The following PAM variants were observed in gnomAD, a reference collection of about 807,000 sequenced individuals.
The protein encoded by PAM is peptidyl-glycine alpha-amidating monooxygenase.
In PAM, 72 loss-of-function variants were observed where a neutral mutation model predicts 122.1. The observed-to-expected ratio is 0.59, with a 90% CI of 0.49 to 0.72. PAM has a LOEUF of 0.72. Among genes scored for constraint, PAM ranks in the 30% least tolerant of loss-of-function variants. PAM has a pLI of 0.00. For missense variants in PAM, 1,106 were observed against 1,183.7 expected (o/e 0.93, Z 0.96); for synonymous variants, 389 against 404.4 (o/e 0.96, Z 0.46).
intron 14 of PAM, among the ~76,000 whole-genome samples, chr5:102,969,668 G>A (rs1765239467): frequency 6.6e-6 from 1 of 152,188 alleles, no homozygotes; most frequent in African/African-American, 2.4e-5. Flanking sequence ...CACTAAGAGA[G>A]ACACTATTAA....
chr5:102,902,008 A>C (rs1207386296), intron 4 of PAM, among the ~76,000 whole-genome samples: 2 of 151,636 alleles, frequency 1.3e-5, no homozygotes, highest in Non-Finnish European at 3.0e-5. Flanking sequence ...AAAGTGACAA[A>C]GCACCATCTG....
At chr5:102,790,458 C>G (rs763163204) in intron 1 of PAM, among the ~76,000 whole-genome samples, 16 of 152,002 alleles carry the variant, frequency 1.1e-4, no homozygotes, top group Non-Finnish European at 1.8e-4. Flanking sequence ...TTTACAATGA[C>G]AGTAGCTTTC....
chr5:102,845,592 C>A (rs528891348), intron 1 of PAM, among the ~76,000 whole-genome samples: 2 of 152,206 alleles, frequency 1.3e-5, no homozygotes, highest in South Asian at 4.1e-4. Context: ...TTTGGGGATT[C>A]GATTTGTCCT....
At chr5:102,788,464 C>T (rs1421917431) in intron 1 of PAM, among the ~76,000 whole-genome samples, 5 of 152,108 alleles carry the variant, frequency 3.3e-5, no homozygotes, top group Non-Finnish European at 7.4e-5. Flanking sequence ...ACGTTTCTCT[C>T]CTCAGCTGGT....
intron 5 of PAM, among the ~76,000 whole-genome samples, chr5:102,918,508 GTTTAA>G (rs1175793329): frequency 1.3e-5 from 2 of 151,902 alleles, no homozygotes; most frequent in African/African-American, 2.4e-5. Context: ...AAATTACCCA[GTTTAA>G]TTTAAAGTAA....
In PAM at chr5:103,021,032, G is replaced by T. The variant is rs185370862; in HGVS notation, c.2485+1189G>T. ...GCCCTGGAATAAAGACGTTGGGAAA[G>T]ATCATGTTGTTAATAGTAGCTATCA... On this transcript the variant is annotated intron_variant, in intron 23 of 25. Coordinates refer to ENST00000438793, the MANE Select transcript of PAM (RefSeq NM_001177306.2). Among the ~76,000 whole-genome samples, 7 of 152,224 alleles carry T rather than the reference G, an allele frequency of 4.6e-5. No homozygotes were observed. In the East Asian group the frequency reaches 1.4e-3, roughly 29 times the overall value.
At chr5:103,011,722 C>T (rs959877968) in intron 21 of PAM, among the ~76,000 whole-genome samples, 4 of 152,144 alleles carry the variant, frequency 2.6e-5, no homozygotes, top group African/African-American at 7.2e-5. Context: ...CTGCAACAAA[C>T]GTGGGAGTTT....
intron 1 of PAM, among the ~76,000 whole-genome samples, chr5:102,806,048 C>CT (rs1338430939): frequency 6.6e-6 from 1 of 151,968 alleles, no homozygotes; most frequent in Non-Finnish European, 1.5e-5. Flanking sequence ...GAAATGGTAC[C>CT]TTTTTAAAAA....
In PAM at chr5:103,009,869, A is replaced by T; in HGVS notation, c.2331+3A>T. Reference sequence around the variant, plus strand: ...ACATCTTCAAGCCAGTGCGCAAGGTATTTACACACATTGTCTAGGTTTCAA... The same window carrying T: ...ACATCTTCAAGCCAGTGCGCAAGGTTTTTACACACATTGTCTAGGTTTCAA... On this transcript the variant is annotated splice_donor_region_variant and intron_variant, in intron 21 of 25. Transcript: ENST00000438793. 1 of 1,424,368 alleles carries T rather than the reference A, an allele frequency of 7.0e-7. No individual in the cohort carries two copies. Among genetic ancestry groups the T allele is most frequent in the Non-Finnish European group, 9.8e-7 (1 of 1,022,506 alleles). The allele number at this position is 1,424,368 out of a possible 1,614,324, so 88.2% of individuals were successfully genotyped here.
At chr5:103,003,847 A>C (rs1291933779) in intron 17 of PAM, among the ~76,000 whole-genome samples, 1 of 152,160 alleles carries the variant, frequency 6.6e-6, no homozygotes, top group Non-Finnish European at 1.5e-5. Flanking sequence ...TCCGTCTCAA[A>C]GTGAATACTA....
intron 16 of PAM, among the ~76,000 whole-genome samples, chr5:103,001,053 A>T (rs1777240177): frequency 6.6e-6 from 1 of 152,188 alleles, no homozygotes; most frequent in Non-Finnish European, 1.5e-5. Context: ...TTAAAAAGAG[A>T]TAGTGAATGA....
chr5:102,776,491 C>T (rs558601451), intron 1 of PAM, among the ~76,000 whole-genome samples: 78 of 152,034 alleles, frequency 5.1e-4, no homozygotes, highest in Non-Finnish European at 9.6e-4. Flanking sequence ...AGTCTTTAAT[C>T]CATCTTGAGT....
At chr5:102,887,813 C>G (rs73175408) in intron 3 of PAM, among the ~76,000 whole-genome samples, 1 of 151,904 alleles carries the variant, frequency 6.6e-6, no homozygotes, top group African/African-American at 2.4e-5. Flanking sequence ...TGTCTTCTTG[C>G]TAAGTTTACT....
intron 21 of PAM, among the ~76,000 whole-genome samples, chr5:103,016,167 T>C (rs1358100461): frequency 6.6e-6 from 1 of 152,162 alleles, no homozygotes. Context: ...TATTTGAAAG[T>C]ATGAAAAAAA....
intron 21 of PAM, among the ~76,000 whole-genome samples, chr5:103,015,904 C>A (rs1045752308): frequency 1.3e-5 from 2 of 152,170 alleles, no homozygotes; most frequent in Non-Finnish European, 2.9e-5. Flanking sequence ...TCCCTCCTCA[C>A]CTTTATTCCC....
rs1404154708 is a variant in PAM, at chr5:103,026,845, G to C, written c.2690-1340G>C. ...GTAGGAACAGTGGGGCCTAGGGGAA[G>C]GTGGCAGGAATTGTGGTAACCAACC... On this transcript the variant is annotated intron_variant, in intron 24 of 25. Coordinates refer to ENST00000438793, the MANE Select transcript of PAM (RefSeq NM_001177306.2). Among the ~76,000 whole-genome samples the C allele has an allele frequency of 4.6e-5, 7 of 152,324 alleles. No individual in the cohort carries two copies. The East Asian group carries it at 1.3e-3, about 29-fold the overall frequency.
At chr5:102,878,620 C>G (rs1455277327) in intron 3 of PAM, among the ~76,000 whole-genome samples, 1 of 152,020 alleles carries the variant, frequency 6.6e-6, no homozygotes, top group African/African-American at 2.4e-5. Flanking sequence ...TGAACACCTT[C>G]CAGGAGGACA....
In PAM at chr5:102,950,737, T is replaced by C. The variant is rs756710011; in HGVS notation, c.822T>C (p.His274=). ...QLPQAFYPVG[H]PVDVSFGDLL... ...GGTAGGCTTTCTACCCTGTGGGGCA[T>C]CCAGTTGATGTAAGTTTTGGTGACC... The change falls in exon 12 of 26, where the codon CAT becomes CAC. Residue 274 remains histidine (H), a synonymous_variant. Coordinates refer to ENST00000438793, the MANE Select transcript of PAM (RefSeq NM_001177306.2). The C allele has an allele frequency of 2.1e-5, 34 of 1,609,304 alleles. No individual in the cohort carries two copies. In the South Asian group the frequency reaches 3.5e-4, roughly 17 times the overall value.
At chr5:102,895,557 T>A (rs1026704329) in intron 3 of PAM, among the ~76,000 whole-genome samples, 6 of 151,746 alleles carry the variant, frequency 4.0e-5, no homozygotes, top group African/African-American at 1.4e-4. Flanking sequence ...TATATTAGAA[T>A]TAGAACAGGC....
Sources: allele counts gnomAD v4.1 joint callset (sites outside exome capture counted in the v4.1 genomes callset), GRCh38; gene constraint gnomAD v4.1.1; transcripts MANE v1.5; gene names NCBI Gene and HGNC (gene_info 2026-07-23, HGNC 2026-07-21).